Variants in ATP11C observed in about 807,000 individuals in gnomAD.
ATP11C encodes ATPase phospholipid transporting 11C (ATP11C blood group), also known as phospholipid-transporting ATPase IG.
ATP11C carries 36 observed loss-of-function variants against 97.4 expected under a neutral mutation model. That is an observed-to-expected ratio of 0.37 (90% CI 0.28 to 0.49). The LOEUF (loss-of-function observed/expected upper bound fraction) is 0.49, where lower values mean the gene tolerates loss of function less well. ATP11C is among the 20% of genes least tolerant of loss of function. ATP11C has a pLI of 0.98. For synonymous variants in ATP11C, 275 were observed against 290.9 expected (o/e 0.95, Z 0.56); for missense variants, 730 against 824.6 (o/e 0.89, Z 1.40).
chrX:139,729,721 A>AGTATGTTAAGAAATGGAAGTC (rs1267009631), intron 29 of ATP11C, among the ~76,000 whole-genome samples: 1 of 111,909 alleles, frequency 8.9e-6, no homozygotes, highest in Non-Finnish European at 1.9e-5. Context: ...GTGTAAGTCA[A>AGTATGTTAAGAAATGGAAGTC]GTATGTTAAG....
intron 13 of ATP11C, among the ~76,000 whole-genome samples, chrX:139,788,673 G>A (rs1485049296): frequency 9.0e-6 from 1 of 111,683 alleles, no homozygotes; most frequent in Non-Finnish European, 1.9e-5. Flanking sequence ...CTCAAGTGTA[G>A]GGAGACTCTG....
intron 1 of ATP11C, among the ~76,000 whole-genome samples, chrX:139,837,726 G>A (rs1438408868): frequency 8.9e-6 from 1 of 112,176 alleles, no homozygotes; most frequent in Non-Finnish European, 1.9e-5. Context: ...AATGAGGACT[G>A]ATAGACCTCA....
intron 1 of ATP11C, among the ~76,000 whole-genome samples, chrX:139,923,053 T>C (rs1206917196): frequency 8.9e-6 from 1 of 112,404 alleles, no homozygotes; most frequent in African/African-American, 3.2e-5. Flanking sequence ...CCCAAAGTGC[T>C]GGGATTACAG....
At chrX:139,916,027 G>A (rs1324775129) in intron 1 of ATP11C, among the ~76,000 whole-genome samples, 3 of 111,007 alleles carry the variant, frequency 2.7e-5, no homozygotes, top group African/African-American at 6.6e-5. Flanking sequence ...TCAGGAGTTC[G>A]AGACCAGCCT....
At chrX:139,836,815 C>T (rs2081366698) in intron 1 of ATP11C, among the ~76,000 whole-genome samples, 1 of 111,376 alleles carries the variant, frequency 9.0e-6, no homozygotes, top group African/African-American at 3.3e-5. Context: ...GTGCCTATTA[C>T]CCTAGGGAAA....
chrX:139,756,046 A>C (rs1184230571), intron 23 of ATP11C, among the ~76,000 whole-genome samples: 1 of 112,554 alleles, frequency 8.9e-6, no homozygotes, highest in Non-Finnish European at 1.9e-5. Flanking sequence ...GACAACCTAC[A>C]AAATGGGAGA....
chrX:139,812,662 A>G (rs1005979047), intron 5 of ATP11C, among the ~76,000 whole-genome samples: 3 of 107,680 alleles, frequency 2.8e-5, no homozygotes, highest in African/African-American at 1.0e-4. Flanking sequence ...CTCCCACCTC[A>G]GCCTCCCAAG....
Position 139,728,310 on chromosome X carries a change from C to T in ATP11C, c.*656G>A, listed in dbSNP as rs1444456415. The T allele has an allele frequency of 9.0e-6, 1 of 111,609 alleles. No homozygotes were observed. The highest frequency in any genetic ancestry group is 3.2e-5 in the African/African-American group (1 of 30,815). The allele number at this position is 111,609 out of a possible 1,213,427, so 9.2% of individuals were successfully genotyped here. A position where few individuals can be genotyped will look rare whatever the true frequency, so the allele number is the denominator to read the frequency against. ...TTTTTTCTATTCCCACAAAAATACCCGTAAGTTAACACTTTCCACATAAGC... is the reference window on the plus strand; with the variant it reads ...TTTTTTCTATTCCCACAAAAATACCTGTAAGTTAACACTTTCCACATAAGC... On this transcript the variant is annotated 3_prime_UTR_variant, in exon 30 of 30. Coordinates refer to ENST00000682941, the MANE Select transcript of ATP11C (RefSeq NM_001353812.2).
intron 1 of ATP11C, among the ~76,000 whole-genome samples, chrX:139,891,916 G>T (rs2084737468): frequency 1.8e-5 from 2 of 110,935 alleles, no homozygotes; most frequent in African/African-American, 6.6e-5. Flanking sequence ...GAGTGCAGTG[G>T]TGTAGTCTCA....
chrX:139,915,891 A>G (rs1466459760), intron 1 of ATP11C, among the ~76,000 whole-genome samples: 1 of 111,616 alleles, frequency 9.0e-6, no homozygotes, highest in Non-Finnish European at 1.9e-5. Context: ...AGAATATTAA[A>G]TAACTAAAAT....
intron 12 of ATP11C, among the ~76,000 whole-genome samples, chrX:139,795,950 C>T (rs1194478097): frequency 8.9e-6 from 1 of 112,018 alleles, no homozygotes; most frequent in Non-Finnish European, 1.9e-5. Context: ...CATATTCTAT[C>T]CACAAATGGT....
chrX:139,804,395 A>G, intron 6 of ATP11C, 76 bp downstream of exon 6: 1 of 762,569 alleles, frequency 1.3e-6, no homozygotes, highest in Non-Finnish European at 1.8e-6. Flanking sequence ...ATAAAAGATT[A>G]GAGGGTGATG....
intron 1 of ATP11C, among the ~76,000 whole-genome samples, chrX:139,911,963 G>A (rs921612669): frequency 5.5e-5 from 6 of 109,366 alleles, no homozygotes; most frequent in Admixed American, 9.9e-5. Flanking sequence ...CGGATCACTT[G>A]AGGCCAGGAG....
chrX:139,832,397 A>C, intron 1 of ATP11C: 106 of 826,213 alleles, frequency 1.3e-4, no homozygotes, highest in Non-Finnish European at 1.5e-4. Context: ...TTAAGAGCTC[A>C]AAGCAGTACT....
At position 139,789,366 on chromosome X, in the gene ATP11C, T is replaced by C; in HGVS notation, c.1329A>G (p.Gln443=). ...CAAAATATGTTAAAGTTCCATCAGT[T>C]TGAGATAATCCATCAACCTCTTGAG... ...GVTQEVDGLS[Q]TDGTLTYFDK... The change falls in exon 13 of 30, where the codon CAA becomes CAG. Residue 443 remains glutamine, a synonymous_variant. Transcript: ENST00000682941. 6 of 1,206,585 alleles carry C rather than the reference T, an allele frequency of 5.0e-6. No homozygotes were observed. The highest frequency in any genetic ancestry group is 6.7e-6 in the Non-Finnish European group (6 of 892,627).
At chrX:139,798,405 T>C (rs762101537) in intron 9 of ATP11C, 51 bp from the exon 10 acceptor site, 9 of 972,225 alleles carry the variant, frequency 9.3e-6, no homozygotes, top group Non-Finnish European at 1.2e-5. Flanking sequence ...AACCAACTCC[T>C]CACCCAGCTG....
At chrX:139,934,713 C>T (rs1455590599), upstream of ATP11C, among the ~76,000 whole-genome samples, 11 of 109,408 alleles carry the variant, frequency 1.0e-4, no homozygotes, top group African/African-American at 3.3e-4. Flanking sequence ...CCACCACACC[C>T]GGCTAATTTT....
intron 3 of ATP11C, 31 bp from the exon 4 acceptor site, chrX:139,816,974 ATGAAAAT>A (rs2083299005): frequency 9.5e-7 from 1 of 1,049,025 alleles, no homozygotes; most frequent in East Asian, 3.2e-5. Flanking sequence ...TGAAAGTAAA[ATGAAAAT>A]TTGTCATTAA....
In ATP11C at chrX:139,800,715, A is replaced by T. The variant is rs140235094; in HGVS notation, c.660-605T>A. Among the ~76,000 whole-genome samples, 33 of 111,920 alleles carry T rather than the reference A, an allele frequency of 2.9e-4. No homozygotes were observed. In the East Asian group the frequency reaches 6.7e-3, roughly 23 times the overall value. ...CAGCCTGTGACTTGTAGTTGATCTC[A>T]ATACTGAGCTTGACCCAATCACTTA... On this transcript the variant is annotated intron_variant, in intron 7 of 29. Transcript: ENST00000682941.
Sources: allele counts gnomAD v4.1 joint callset (sites outside exome capture counted in the v4.1 genomes callset), GRCh38; gene constraint gnomAD v4.1.1; transcripts MANE v1.5; gene names NCBI Gene and HGNC (gene_info 2026-07-23, HGNC 2026-07-21).